Variants in FAM3D observed in about 807,000 individuals in gnomAD.
FAM3D encodes protein FAM3D.
Under a neutral mutation model 29.8 loss-of-function variants are expected in FAM3D, and 26 were observed. That is an observed-to-expected ratio of 0.87 (90% CI 0.64 to 1.21). The LOEUF is 1.21. Among genes scored for constraint, FAM3D ranks in the 50% most tolerant of loss-of-function variants. The pLI is 0.00. For synonymous variants in FAM3D, 115 were observed against 102.3 expected (o/e 1.12, Z -0.75); for missense variants, 253 against 290.9 (o/e 0.87, Z 0.95).
intron 4 of FAM3D, among the ~76,000 whole-genome samples, chr3:58,646,228 A>G (rs2066476193): frequency 6.6e-6 from 1 of 152,206 alleles, no homozygotes; most frequent in African/African-American, 2.4e-5. Context: ...TTTACTGAGC[A>G]TCTACTAAGT....
intron 2 of FAM3D, among the ~76,000 whole-genome samples, chr3:58,654,474 G>A (rs1456073323): frequency 2.0e-5 from 3 of 152,168 alleles, no homozygotes; most frequent in East Asian, 3.9e-4. Context: ...CCTGGCCCCT[G>A]CCTCATGGCC....
At chr3:58,663,421 GA>G (rs1324412578) in intron 1 of FAM3D, among the ~76,000 whole-genome samples, 1 of 152,196 alleles carries the variant, frequency 6.6e-6, no homozygotes, top group African/African-American at 2.4e-5. Context: ...CTTGAAGTCA[GA>G]ATTATCTCTG....
intron 1 of FAM3D, among the ~76,000 whole-genome samples, chr3:58,663,978 C>G (rs534170888): frequency 6.6e-6 from 1 of 152,338 alleles, no homozygotes; most frequent in South Asian, 2.1e-4. Flanking sequence ...CCTTCTGCAG[C>G]CTGTGCAGGC....
intron 3 of FAM3D, among the ~76,000 whole-genome samples, chr3:58,652,863 T>TCCATCCATCCAC (rs1247936010): frequency 4.4e-5 from 1 of 22,836 alleles, no homozygotes; most frequent in Non-Finnish European, 1.5e-4. Flanking sequence ...CATCCATCTG[T>TCCATCCATCCAC]CCATCCATCC....
At chr3:58,653,982 T>C (rs2066719472) in intron 2 of FAM3D, among the ~76,000 whole-genome samples, 1 of 152,270 alleles carries the variant, frequency 6.6e-6, no homozygotes, top group African/African-American at 2.4e-5. Flanking sequence ...TGCCAGGTCA[T>C]GTGGCAACAT....
In FAM3D at chr3:58,640,161, C is replaced by G; in HGVS notation, c.339G>C (p.Val113=). The G allele has an allele frequency of 3.1e-6, 5 of 1,614,212 alleles. No individual in the cohort carries two copies. Among genetic ancestry groups the G allele is most frequent in the Non-Finnish European group, 3.4e-6 (4 of 1,180,040 alleles). The part of the protein sequence containing the change: ...IALVNGTTGA[V]LGQKAFDMYS... The stretch of plus-strand genomic sequence containing the variant: ...ACATGTCAAATGCCTTCTGTCCCAG[C>G]ACAGCTCCCGTGGTTCCTAGGGGTT... The change falls in exon 7 of 10, where the codon GTG becomes GTC. Residue 113 remains valine, a synonymous_variant. Coordinates refer to ENST00000358781, the MANE Select transcript of FAM3D (RefSeq NM_138805.3).
intron 7 of FAM3D, among the ~76,000 whole-genome samples, chr3:58,638,843 C>A (rs548652083): frequency 6.6e-6 from 1 of 152,316 alleles, no homozygotes; most frequent in East Asian, 1.9e-4. Flanking sequence ...AAAGAAATGG[C>A]CCTTGAACTT....
At chr3:58,647,329 T>C (rs2066510573) in intron 4 of FAM3D, among the ~76,000 whole-genome samples, 2 of 152,192 alleles carry the variant, frequency 1.3e-5, no homozygotes, top group Non-Finnish European at 2.9e-5. Context: ...CCAACTCCCC[T>C]TCTCCTCCTT....
chr3:58,637,010 T>C, intron 8 of FAM3D, 131 bp downstream of exon 8: 1 of 748,578 alleles, frequency 1.3e-6, no homozygotes, highest in South Asian at 1.7e-5. Flanking sequence ...CTTTGCATAC[T>C]TGTCTGATAA....
At chr3:58,660,990 A>G (rs1295988743) in intron 1 of FAM3D, among the ~76,000 whole-genome samples, 1 of 152,224 alleles carries the variant, frequency 6.6e-6, no homozygotes, top group Non-Finnish European at 1.5e-5. Context: ...ACTCAAGCAC[A>G]AGTTGTAAAG....
intron 1 of FAM3D, among the ~76,000 whole-genome samples, chr3:58,663,827 G>A (rs545026006): frequency 2.0e-5 from 3 of 152,194 alleles, no homozygotes; most frequent in East Asian, 1.9e-4. Context: ...GCCTCTCCCC[G>A]GCCCTGCTGG....
Position 58,641,369 on chromosome 3 carries a change from C to T in FAM3D, c.323-1192G>A, listed in dbSNP as rs933265518. On this transcript the variant is annotated intron_variant, in intron 6 of 9. Coordinates refer to ENST00000358781, the MANE Select transcript of FAM3D (RefSeq NM_138805.3). ...TGACCTTGGGCAAGTTGCTTAACCT[C>T]TTTTTTTTTTTTGGACAGGGTCTCT... is the stretch of plus-strand genomic sequence containing the variant. Among the ~76,000 whole-genome samples the T allele has an allele frequency of 2.8e-5, 4 of 144,842 alleles. No individual in the cohort carries two copies. The East Asian group carries it at 8.0e-4, about 29-fold the overall frequency.
At chr3:58,645,457 G>GAAGTA in intron 5 of FAM3D, 52 bp downstream of exon 5, 4 of 1,189,090 alleles carry the variant, frequency 3.4e-6, no homozygotes, top group Non-Finnish European at 4.6e-6. Flanking sequence ...ATGAATGAAT[G>GAAGTA]AAATAAAATA....
chr3:58,651,383 CA>C (rs2066633274), intron 3 of FAM3D, among the ~76,000 whole-genome samples: 1 of 152,188 alleles, frequency 6.6e-6, no homozygotes, highest in Non-Finnish European at 1.5e-5. Flanking sequence ...AGTGCTGAAA[CA>C]TCAATGGTTT....
At chr3:58,638,664 G>A (rs967359766) in intron 7 of FAM3D, among the ~76,000 whole-genome samples, 2 of 152,210 alleles carry the variant, frequency 1.3e-5, no homozygotes, top group Admixed American at 6.5e-5. Flanking sequence ...CATGGGCCCC[G>A]TGTGACTGCC....
rs1446975867 is a variant in FAM3D at position 58,655,552 on chromosome 3, T to C, written c.12A>G (p.Ser4=). Residue 4 remains serine (S), a splice_region_variant and synonymous_variant, in exon 2 of 10, where the codon TCA becomes TCG. Coordinates refer to ENST00000358781, the MANE Select transcript of FAM3D (RefSeq NM_138805.3). MRV[S]GVLRLLALIF... The stretch of plus-strand genomic sequence containing the variant: ...TCCAAAACCAATTTCAGAGCCTACC[T>C]GACACTCTCATCCTGTCCAGGTGAA... 3 of 1,613,698 alleles carry C rather than the reference T, an allele frequency of 1.9e-6. No homozygotes were observed. Among genetic ancestry groups the C allele is most frequent in the Non-Finnish European group, 2.5e-6 (3 of 1,179,756 alleles).
In FAM3D at chr3:58,635,710, T is replaced by C. The variant is rs1261978667; in HGVS notation, c.585+584A>G. On this transcript the variant is annotated intron_variant, in intron 9 of 9. Transcript: ENST00000358781. This position sits in a 1 kb window ranked among gnomAD's most constrained non-coding sequence, Gnocchi z 5.2. Reference sequence around the variant, plus strand: ...TTTCTAGTTACCCAAATACATCCTCTTAGAAACACACGCATACAGACCAAG... The same window carrying C: ...TTTCTAGTTACCCAAATACATCCTCCTAGAAACACACGCATACAGACCAAG... Among the ~76,000 whole-genome samples the C allele has an allele frequency of 6.6e-6, 1 of 152,186 alleles. No individual in the cohort carries two copies. Among genetic ancestry groups the C allele is most frequent in the Non-Finnish European group, 1.5e-5 (1 of 68,030 alleles).
intron 3 of FAM3D, among the ~76,000 whole-genome samples, chr3:58,653,313 G>A (rs1340148087): frequency 6.6e-6 from 1 of 152,178 alleles, no homozygotes; most frequent in African/African-American, 2.4e-5. Flanking sequence ...GGAGCAGCAG[G>A]TGCAGGTGAA....
intron 3 of FAM3D, 130 bp downstream of exon 3, chr3:58,653,544 A>G (rs954606799): frequency 3.5e-6 from 3 of 868,774 alleles, no homozygotes; most frequent in Admixed American, 2.0e-5. Flanking sequence ...CTCTCCCTGC[A>G]ATTGCTGGGG....
Sources: gnomAD v4.1 joint callset for allele counts (sites outside exome capture counted in the v4.1 genomes callset) on GRCh38, gnomAD v4.1.1 for gene constraint, Gnocchi (gnomAD v3.1) non-coding constraint, MANE v1.5 for transcripts, NCBI Gene and HGNC (gene_info 2026-07-23, HGNC 2026-07-21) for gene names.